The following VCAN variants were observed in gnomAD, a reference collection of about 807,000 sequenced individuals.
The protein encoded by VCAN is versican core protein.
In VCAN, 44 loss-of-function variants were observed where a neutral mutation model predicts 245.5. That is an observed-to-expected ratio of 0.18 (90% CI 0.14 to 0.23). VCAN has a LOEUF of 0.23. Among genes scored for constraint, VCAN ranks in the 10% least tolerant of loss-of-function variants. The pLI is 1.00. For synonymous variants in VCAN, 1,413 were observed against 1,437.0 expected (o/e 0.98, Z 0.38); for missense variants, 3,793 against 4,057.9 (o/e 0.93, Z 1.77).
intron 1 of VCAN, 55 bp from the exon 2 acceptor site, chr5:83,483,458 A>T (rs1423803983): frequency 7.1e-6 from 10 of 1,415,782 alleles, no homozygotes; most frequent in Non-Finnish European, 1.0e-5. Flanking sequence ...GTGATTTATG[A>T]CCCACTTTAA....
At chr5:83,516,186 A>C (rs1745851129) in intron 6 of VCAN, among the ~76,000 whole-genome samples, 1 of 152,144 alleles carries the variant, frequency 6.6e-6, no homozygotes, top group Non-Finnish European at 1.5e-5. Context: ...CGGGAGGCTG[A>C]GGCAGGAGAA....
At chr5:83,523,848 C>T (rs1339111483) in intron 7 of VCAN, among the ~76,000 whole-genome samples, 1 of 151,596 alleles carries the variant, frequency 6.6e-6, no homozygotes, top group Non-Finnish European at 1.5e-5. Flanking sequence ...GCCAGTAAGT[C>T]GGAATGAGGA....
Position 83,522,008 on chromosome 5 carries a change from T to C in VCAN, c.3702T>C (p.Pro1234=), listed in dbSNP as rs765479221. The change falls in exon 7 of 15, where the codon CCT becomes CCC. Residue 1234 remains proline (P), a synonymous_variant. Transcript: ENST00000265077. ...CTTCCGCGATCACTAAGAAACCACC[T>C]CTCATCGACAGGGAACCTGGTGAAG... ...KPSSAITKKP[P]LIDREPGEET... is the part of the protein sequence containing the mutation. The C allele has an allele frequency of 6.2e-7, 1 of 1,614,092 alleles. No individual in the cohort carries two copies. Among genetic ancestry groups the C allele is most frequent in the South Asian group, 1.1e-5 (1 of 91,080 alleles).
chr5:83,560,400 C>T (rs945666773), intron 12 of VCAN, among the ~76,000 whole-genome samples: 15 of 151,932 alleles, frequency 9.9e-5, no homozygotes, highest in African/African-American at 3.6e-4. Context: ...AATATCACTC[C>T]CAAATATTAT....
rs200045344 is a variant in VCAN, at chr5:83,537,319, C to T, written c.4316C>T (p.Pro1439Leu). Residue 1439 changes from proline (P) to leucine (L), a missense_variant, in exon 8 of 15, where the codon CCT becomes CTT. This residue lies in a region of VCAN where 3,182 missense variants were observed against 3,250.3 expected (regional missense o/e 0.98). Coordinates refer to ENST00000265077, the MANE Select transcript of VCAN (RefSeq NM_004385.5). Reference protein sequence around the residue: ...ARRGQFESVAPSQNFSDSSES... With the variant: ...ARRGQFESVALSQNFSDSSES... ...CGTGGCCAGTTTGAAAGTGTTGCAC[C>T]TTCTCAGAATTTCTCGGACAGCTCT... 63 of 1,613,796 alleles carry T rather than the reference C, an allele frequency of 3.9e-5. No homozygotes were observed. Among genetic ancestry groups the T allele is most frequent in the Non-Finnish European group, 5.0e-5 (59 of 1,179,944 alleles).
At chr5:83,550,935 G>GTT (rs371547453) in intron 10 of VCAN, among the ~76,000 whole-genome samples, 47 of 121,508 alleles carry the variant, frequency 3.9e-4, no homozygotes, top group African/African-American at 1.3e-3. Context: ...AGTTGGCTTT[G>GTT]TTTTTTTTTT....
intron 11 of VCAN, among the ~76,000 whole-genome samples, chr5:83,553,742 G>A (rs3852187): frequency 0.39 from 58,756 of 152,086 alleles, 11,557 homozygotes; most frequent in Admixed American, 0.44. Context: ...TCTGCCAGCA[G>A]TAATAGTTGA....
intron 12 of VCAN, among the ~76,000 whole-genome samples, chr5:83,571,012 A>G (rs528502600): frequency 1.3e-5 from 2 of 152,270 alleles, no homozygotes; most frequent in South Asian, 2.1e-4. Flanking sequence ...CCCAGAAAAG[A>G]CAGTCATATT....
intron 3 of VCAN, among the ~76,000 whole-genome samples, chr5:83,492,197 A>G (rs891554171): frequency 2.0e-5 from 3 of 152,174 alleles, no homozygotes; most frequent in Non-Finnish European, 2.9e-5. Flanking sequence ...TCATATTACT[A>G]CAGTAATATA....
rs567277631 is a variant in VCAN, at chr5:83,538,607, C to T, written c.5604C>T (p.Gly1868=). The T allele has an allele frequency of 1.2e-6, 2 of 1,614,050 alleles. No homozygotes were observed. Among genetic ancestry groups the T allele is most frequent in the East Asian group, 2.2e-5 (1 of 44,868 alleles). ...YAIQAEKEVA[G]TLSPHVETTF... ...TTCAAGCCGAAAAGGAAGTAGCTGG[C>T]ACTTTGTCTCCGCATGTGGAAACTA... is the stretch of plus-strand genomic sequence containing the variant. Residue 1868 remains glycine (G), a synonymous_variant, in exon 8 of 15, where the codon GGC becomes GGT. Coordinates refer to ENST00000265077, the MANE Select transcript of VCAN (RefSeq NM_004385.5).
rs202047682 is a variant in VCAN at position 83,570,788 on chromosome 5, T to A, written c.9736-1628T>A. Among the ~76,000 whole-genome samples, 434 of 151,314 alleles carry A rather than the reference T, an allele frequency of 2.9e-3. 2 individuals are homozygous for A. The East Asian group carries it at 0.029, about 10-fold the overall frequency. ...AGACTTAAAAATAGTGATAGTACTGTTGGGAGTAAGTAGGTAGTAGAGTAA... is the reference window on the plus strand; with the variant it reads ...AGACTTAAAAATAGTGATAGTACTGATGGGAGTAAGTAGGTAGTAGAGTAA... On this transcript the variant is annotated intron_variant, in intron 12 of 14. Coordinates refer to ENST00000265077, the MANE Select transcript of VCAN (RefSeq NM_004385.5).
In VCAN at chr5:83,491,471, A is replaced by G. The variant is rs541178243; in HGVS notation, c.445+999A>G. Among the ~76,000 whole-genome samples the G allele has an allele frequency of 3.9e-5, 6 of 152,254 alleles. No individual in the cohort carries two copies. The East Asian group carries it at 7.7e-4, about 20-fold the overall frequency. ...TATTCAAATTCCATTGCTTCCTTCT[A>G]TAAATCTATTTTTATGTTGTCTAGG... On this transcript the variant is annotated intron_variant, in intron 3 of 14. Coordinates refer to ENST00000265077, the MANE Select transcript of VCAN (RefSeq NM_004385.5).
At chr5:83,536,957 A>G in intron 7 of VCAN, 50 bp from the exon 8 acceptor site, 1 of 1,513,368 alleles carries the variant, frequency 6.6e-7, no homozygotes, top group Middle Eastern at 2.2e-4. Context: ...CTTCTGTCAT[A>G]CACTGCCAAA....
At chr5:83,547,846 T>C in intron 9 of VCAN, 125 bp from the exon 10 acceptor site, 2 of 761,610 alleles carry the variant, frequency 2.6e-6, no homozygotes, top group Non-Finnish European at 4.6e-6. Flanking sequence ...CAAATTATAC[T>C]TTTTTTAAAA....
chr5:83,520,604 G>T lies in VCAN; in HGVS notation c.2298G>T (p.Met766Ile). ...LSAEPTEVRDMEEDFTATPGT... is the reference protein window; with the variant it reads ...LSAEPTEVRDIEEDFTATPGT... ...CAGAGCCAACAGAAGTAAGAGATAT[G>T]GAGGAAGACTTTACAGCAACTCCAG... The change falls in exon 7 of 15, where the codon ATG (methionine) becomes ATT (isoleucine). Residue 766 changes from methionine to isoleucine, a missense_variant. Met to Ile is a conservative substitution (Grantham distance 10). Around this residue, in one of 5 missense-constraint regions of VCAN, gnomAD observed 3,182 missense variants for 3,250.3 expected, o/e 0.98. Transcript: ENST00000265077. The T allele has an allele frequency of 6.2e-7, 1 of 1,614,004 alleles. No individual in the cohort carries two copies. The highest frequency in any genetic ancestry group is 8.5e-7 in the Non-Finnish European group (1 of 1,179,992).
At chr5:83,476,167 G>T (rs1744381050) in intron 1 of VCAN, among the ~76,000 whole-genome samples, 1 of 152,208 alleles carries the variant, frequency 6.6e-6, no homozygotes. Context: ...TGGAGTTAAT[G>T]ATTGGTCACT....
At position 83,520,010 on chromosome 5, in the gene VCAN, G is replaced by T. The variant is rs1172260903; in HGVS notation, c.1704G>T (p.Glu568Asp). Reference protein sequence around the residue: ...EDRTLTVGSDESTLIFDQIPE... With the variant: ...EDRTLTVGSDDSTLIFDQIPE... ...GAACACTTACAGTTGGATCTGATGA[G>T]AGCACCTTGATCTTTGACCAAATTC... The change falls in exon 7 of 15, where the codon GAG becomes GAT. Residue 568 changes from glutamate to aspartate, a missense_variant. Around this residue, in one of 5 missense-constraint regions of VCAN, gnomAD observed 3,182 missense variants for 3,250.3 expected, o/e 0.98. Coordinates refer to ENST00000265077, the MANE Select transcript of VCAN (RefSeq NM_004385.5). 6.2e-7 allele frequency: 1 copy of T among 1,613,948 alleles called. No homozygotes were observed. The highest frequency in any genetic ancestry group is 1.3e-5 in the African/African-American group (1 of 74,916).
At chr5:83,486,526 G>A (rs1484205301) in intron 2 of VCAN, among the ~76,000 whole-genome samples, 1 of 152,182 alleles carries the variant, frequency 6.6e-6, no homozygotes, top group Non-Finnish European at 1.5e-5. Flanking sequence ...AGCAACCAGT[G>A]AAGATGGAGA....
intron 13 of VCAN, among the ~76,000 whole-genome samples, chr5:83,572,900 T>A (rs868210621): frequency 7.0e-6 from 1 of 143,500 alleles, no homozygotes; most frequent in Non-Finnish European, 1.5e-5. Context: ...TTTATTTATT[T>A]ATTATTATTA....
Sources: gnomAD v4.1 joint callset for allele counts (sites outside exome capture counted in the v4.1 genomes callset) on GRCh38, gnomAD v4.1.1 for gene constraint, gnomAD v4.1.1 regional missense constraint, MANE v1.5 for transcripts, NCBI Gene and HGNC (gene_info 2026-07-23, HGNC 2026-07-21) for gene names.